Variants in MSI2 observed in about 807,000 individuals in gnomAD.
MSI2 encodes RNA-binding protein Musashi homolog 2.
MSI2 carries 17 observed loss-of-function variants against 45.6 expected under a neutral mutation model. The ratio of observed to expected loss-of-function variants is 0.37; its 90% CI spans 0.26 to 0.56. The LOEUF is 0.56. Ranked by LOEUF, MSI2 falls within the 20% of genes least tolerant of loss-of-function variation. MSI2 has a pLI of 0.77. For missense variants in MSI2, 293 were observed against 444.2 expected, an observed-to-expected ratio of 0.66 and a Z score of 3.06; for synonymous variants, 156 against 158.2, an observed-to-expected ratio of 0.99 and a Z score of 0.11.
At chr17:57,655,495 A>C (rs374120933) in intron 11 of MSI2, among the ~76,000 whole-genome samples, 2 of 151,018 alleles carry the variant, frequency 1.3e-5, no homozygotes, top group African/African-American at 4.9e-5. Context: ...ACCCCGTCCC[A>C]CCTCTCCCCA....
chr17:57,326,105 C>T (rs1913770134), intron 5 of MSI2, among the ~76,000 whole-genome samples: 1 of 152,164 alleles, frequency 6.6e-6, no homozygotes, highest in Non-Finnish European at 1.5e-5. Context: ...AGGTTGTTTG[C>T]TGCTGCTGCT....
chr17:57,544,613 A>C (rs529544748), intron 7 of MSI2, among the ~76,000 whole-genome samples: 1 of 152,362 alleles, frequency 6.6e-6, no homozygotes, highest in Non-Finnish European at 1.5e-5. Flanking sequence ...TAAAGCAGCG[A>C]TATTAGCAAC....
intron 6 of MSI2, among the ~76,000 whole-genome samples, chr17:57,431,910 C>T (rs190560592): frequency 2.6e-5 from 4 of 152,272 alleles, no homozygotes; most frequent in East Asian, 1.9e-4. Context: ...GCACAGACTC[C>T]ACCGGGCATT....
intron 6 of MSI2, among the ~76,000 whole-genome samples, chr17:57,416,213 A>T (rs999417100): frequency 6.6e-6 from 1 of 152,228 alleles, no homozygotes; most frequent in African/African-American, 2.4e-5. Context: ...GGAGAAGCAG[A>T]GGAAAGCAGA....
intron 5 of MSI2, among the ~76,000 whole-genome samples, chr17:57,332,379 G>A (rs773740705): frequency 6.6e-6 from 1 of 152,206 alleles, no homozygotes; most frequent in Non-Finnish European, 1.5e-5. Context: ...GGGGTTACAG[G>A]CATGAGCCAT....
At chr17:57,639,869 T>G (rs555356040) in intron 10 of MSI2, among the ~76,000 whole-genome samples, 1 of 152,290 alleles carries the variant, frequency 6.6e-6, no homozygotes, top group African/African-American at 2.4e-5. Context: ...CCTGTGTCTA[T>G]CCTGCCTCCT....
At chr17:57,388,509 G>C (rs972872982) in intron 5 of MSI2, among the ~76,000 whole-genome samples, 3 of 152,178 alleles carry the variant, frequency 2.0e-5, no homozygotes, top group Non-Finnish European at 4.4e-5. Flanking sequence ...CTGCTGGTGG[G>C]GGAGCTAATC....
intron 10 of MSI2, among the ~76,000 whole-genome samples, chr17:57,638,649 G>A (rs935697600): frequency 6.6e-6 from 1 of 152,184 alleles, no homozygotes; most frequent in Admixed American, 6.5e-5. Context: ...CAACACATTG[G>A]GAGGCCAAGG....
chr17:57,475,036 T>C (rs912526721), intron 6 of MSI2, among the ~76,000 whole-genome samples: 2 of 152,170 alleles, frequency 1.3e-5, no homozygotes, highest in Non-Finnish European at 2.9e-5. Context: ...TCTCTGTACT[T>C]TTGAATACTA....
chr17:57,365,537 G>C (rs897811241), intron 5 of MSI2, among the ~76,000 whole-genome samples: 2 of 152,150 alleles, frequency 1.3e-5, no homozygotes, highest in African/African-American at 2.4e-5. Context: ...CTGCAGGCAG[G>C]GTAGAGGGTG....
intron 7 of MSI2, among the ~76,000 whole-genome samples, chr17:57,554,933 T>C (rs984660661): frequency 2.0e-5 from 3 of 152,276 alleles, no homozygotes; most frequent in African/African-American, 7.2e-5. Context: ...TGGGATGTTT[T>C]GCTCAAACCT....
intron 6 of MSI2, among the ~76,000 whole-genome samples, chr17:57,401,777 G>A (rs2083996121): frequency 1.3e-5 from 2 of 152,150 alleles, no homozygotes; most frequent in Non-Finnish European, 2.9e-5. Flanking sequence ...GGGGAGGGAT[G>A]TGGGGCTGTG....
chr17:57,572,160 G>C (rs539377114), intron 7 of MSI2, among the ~76,000 whole-genome samples: 3 of 152,218 alleles, frequency 2.0e-5, no homozygotes, highest in Admixed American at 6.5e-5. Context: ...CTGCTGGGAA[G>C]CATGAAGGAT....
chr17:57,431,893 C>G (rs905383880), intron 6 of MSI2, among the ~76,000 whole-genome samples: 1 of 152,102 alleles, frequency 6.6e-6, no homozygotes, highest in East Asian at 1.9e-4. Flanking sequence ...CAGAACACCC[C>G]CTTGCAGCAC....
intron 6 of MSI2, among the ~76,000 whole-genome samples, chr17:57,504,516 A>T (rs952496180): frequency 6.6e-6 from 1 of 152,198 alleles, no homozygotes; most frequent in Admixed American, 6.5e-5. Context: ...AGTCGGAGAC[A>T]TGGAAGGTTT....
intron 6 of MSI2, among the ~76,000 whole-genome samples, chr17:57,488,649 C>A (rs1345658701): frequency 3.9e-4 from 59 of 152,058 alleles, no homozygotes; most frequent in Non-Finnish European, 5.9e-5. Context: ...ATGGTGAAAC[C>A]CCATTTCTAC....
At chr17:57,562,775 C>CA (rs1364861623) in intron 7 of MSI2, among the ~76,000 whole-genome samples, 1 of 152,014 alleles carries the variant, frequency 6.6e-6, no homozygotes, top group African/African-American at 2.4e-5. Context: ...GTGTGAATTG[C>CA]ACACGGACTA....
the MSI2 span, among the ~76,000 whole-genome samples, chr17:57,692,826 T>G: frequency 2.6e-5 from 4 of 152,214 alleles, no homozygotes; most frequent in South Asian, 4.1e-4. Context: ...TTCTTAATTT[T>G]ACCTCTCTCT....
chr17:57,695,228 G>A, the MSI2 span, among the ~76,000 whole-genome samples: 4 of 152,192 alleles, frequency 2.6e-5, no homozygotes, highest in Non-Finnish European at 5.9e-5. Context: ...GGAGCCTCTG[G>A]GTCTTTGTGG....
Sources: allele counts gnomAD v4.1 joint callset (sites outside exome capture counted in the v4.1 genomes callset), GRCh38; gene constraint gnomAD v4.1.1; transcripts MANE v1.5; gene names NCBI Gene and HGNC (gene_info 2026-07-23, HGNC 2026-07-21).